The following SPPL2B variants were observed in gnomAD, a reference collection of about 807,000 sequenced individuals.
SPPL2B encodes signal peptide peptidase like 2B.
SPPL2B carries 39 observed loss-of-function variants against 59.7 expected under a neutral mutation model. That is an observed-to-expected ratio of 0.65 (90% CI 0.51 to 0.85). The LOEUF (loss-of-function observed/expected upper bound fraction) is 0.85, where lower values mean the gene tolerates loss of function less well. SPPL2B is among the 40% of genes least tolerant of loss of function. The pLI is 0.00. For missense variants in SPPL2B, 865 were observed against 849.0 expected (o/e 1.02, Z -0.23); for synonymous variants, 419 against 370.8 (o/e 1.13, Z -1.49).
intron 3 of SPPL2B, chr19:2,337,833 G>C (rs1395943990): frequency 5.4e-6 from 3 of 557,606 alleles, no homozygotes; most frequent in East Asian, 6.4e-5. Context: ...TGTTCTTCCT[G>C]AGCTGCTGGC....
chr19:2,340,917 C>T lies in SPPL2B; in HGVS notation c.859C>T (p.Pro287Ser). ...GKCRIPNNSL[P>S]YFHKRPQARM... Reference sequence around the variant, plus strand: ...CCCCAGGATCCCCAACAACAGCCTGCCCTACTTCCACAAGCGCCCGCAGGC... The same window carrying T: ...CCCCAGGATCCCCAACAACAGCCTGTCCTACTTCCACAAGCGCCCGCAGGC... Residue 287 changes from proline to serine, a missense_variant, in exon 8 of 15, where the codon CCC becomes TCC. Physicochemically the swap from Pro to Ser is moderately conservative, Grantham distance 74. Coordinates refer to ENST00000613503, the MANE Select transcript of SPPL2B (RefSeq NM_152988.3). 6.3e-7 allele frequency: 1 copy of T among 1,597,260 alleles called. No individual in the cohort carries two copies. Among genetic ancestry groups the T allele is most frequent in the Non-Finnish European group, 8.5e-7 (1 of 1,176,954 alleles).
chr19:2,353,134 T>G lies in SPPL2B; in HGVS notation c.1704T>G (p.Pro568=), dbSNP rs1392165355. 6.2e-7 allele frequency: 1 copy of G among 1,610,582 alleles called. No homozygotes were observed. Among genetic ancestry groups the G allele is most frequent in the Non-Finnish European group, 8.5e-7 (1 of 1,179,192 alleles). The part of the protein sequence containing the change: ...EMGAGAPMRE[P]GSPAESEGRD... ...GGGCTGGAGCCCCCATGCGGGAGCC[T>G]GGGAGCCCAGCTGAATCCGAGGGCC... Residue 568 remains proline (P), a synonymous_variant, in exon 15 of 15, where the codon CCT becomes CCG. Transcript: ENST00000613503.
chr19:2,340,024 G>A (rs1968928529), intron 6 of SPPL2B, 52 bp from the exon 7 acceptor site: 3 of 1,559,494 alleles, frequency 1.9e-6, no homozygotes, highest in Non-Finnish European at 2.6e-6. Context: ...CCCGTGCGGA[G>A]GGAGGGTGGC....
intron 8 of SPPL2B, chr19:2,342,445 G>A (rs1969112095): frequency 1.3e-5 from 2 of 152,416 alleles, no homozygotes; most frequent in East Asian, 1.9e-4. Flanking sequence ...GAGGTCAGGA[G>A]TTTGAGACCA....
Position 2,338,846 on chromosome 19 carries a change from G to T in SPPL2B, c.459+5G>T, listed in dbSNP as rs756793486. ...GACATGCTGGACATCTTCACGGTAG[G>T]TCTGCGCCGGCTCAGACCCACGCTC... On this transcript the variant is annotated splice_donor_5th_base_variant and intron_variant, in intron 4 of 14. Coordinates refer to ENST00000613503, the MANE Select transcript of SPPL2B (RefSeq NM_152988.3). 1 of 1,612,788 alleles carries T rather than the reference G, an allele frequency of 6.2e-7. No individual in the cohort carries two copies. The highest frequency in any genetic ancestry group is 1.1e-5 in the South Asian group (1 of 91,038).
intron 13 of SPPL2B, among the ~76,000 whole-genome samples, chr19:2,350,185 TTC>T (rs139185415): frequency 2.7e-5 from 3 of 112,014 alleles, no homozygotes; most frequent in African/African-American, 6.8e-5. Flanking sequence ...CTTGATTCCG[TTC>T]TCTCTCCACA....
intron 14 of SPPL2B, 186 bp downstream of exon 14, chr19:2,351,780 G>T: frequency 1.3e-6 from 1 of 798,708 alleles, no homozygotes; most frequent in Non-Finnish European, 1.9e-6. Flanking sequence ...TGCAGCTCCT[G>T]TGCCGGGTGG....
intron 12 of SPPL2B, among the ~76,000 whole-genome samples, chr19:2,344,914 G>C (rs1265107498): frequency 6.6e-6 from 1 of 152,158 alleles, no homozygotes; most frequent in African/African-American, 2.4e-5. Context: ...CCTGCTCGGG[G>C]TTGTGCAGGG....
intron 8 of SPPL2B, chr19:2,342,792 C>T (rs1034203679): frequency 1.5e-4 from 29 of 197,374 alleles, no homozygotes; most frequent in African/African-American, 4.1e-4. Context: ...ACTGAGGGGA[C>T]GCAGCCGGCC....
chr19:2,348,277 T>A (rs1599246931), intron 13 of SPPL2B, among the ~76,000 whole-genome samples: 2 of 108,328 alleles, frequency 1.8e-5, no homozygotes, highest in South Asian at 8.1e-4. Flanking sequence ...CTTATTCGCC[T>A]GATTCCGTTC....
intron 1 of SPPL2B, among the ~76,000 whole-genome samples, chr19:2,330,114 A>ATTTT (rs71176539): frequency 9.5e-5 from 14 of 147,882 alleles, no homozygotes; most frequent in Admixed American, 4.0e-4. Flanking sequence ...AAGCAGATCT[A>ATTTT]TTTTTTTTTT....
At chr19:2,336,226 C>CCT (rs1318707329) in intron 2 of SPPL2B, among the ~76,000 whole-genome samples, 1 of 152,066 alleles carries the variant, frequency 6.6e-6, no homozygotes, top group Admixed American at 6.6e-5. Flanking sequence ...TTTATGTGCA[C>CCT]ATGTGCCTGT....
rs909958911 is a variant in SPPL2B, at chr19:2,332,008, C to G, written c.67-2594C>G. ...GGGGCTGTGTTGGAAGGGGCACCCTCCGGGCTCGGCACCGGGGCCAGACTA... is the reference window on the plus strand; with the variant it reads ...GGGGCTGTGTTGGAAGGGGCACCCTGCGGGCTCGGCACCGGGGCCAGACTA... On this transcript the variant is annotated intron_variant, in intron 1 of 14. Coordinates refer to ENST00000613503, the MANE Select transcript of SPPL2B (RefSeq NM_152988.3). This position sits in a 1 kb window ranked among gnomAD's most constrained non-coding sequence, Gnocchi z 4.6. Among the ~76,000 whole-genome samples the G allele has an allele frequency of 1.3e-5, 2 of 152,370 alleles. No homozygotes were observed. Among genetic ancestry groups the G allele is most frequent in the African/African-American group, 4.8e-5 (2 of 41,594 alleles).
chr19:2,352,317 G>A (rs897341294), intron 14 of SPPL2B, among the ~76,000 whole-genome samples: 1 of 152,174 alleles, frequency 6.6e-6, no homozygotes, highest in African/African-American at 2.4e-5. Flanking sequence ...GCAGCCCTGC[G>A]CCATAGGGCG....
chr19:2,344,445 G>A (rs1219153705), intron 11 of SPPL2B, 21 bp downstream of exon 11: 5 of 1,570,850 alleles, frequency 3.2e-6, no homozygotes, highest in Non-Finnish European at 4.3e-6. Flanking sequence ...TGACTGCAGG[G>A]TCTCAGGTTG....
chr19:2,344,164 A>G (rs1446637862), intron 10 of SPPL2B, 125 bp downstream of exon 10: 2 of 334,128 alleles, frequency 6.0e-6, no homozygotes, highest in African/African-American at 8.9e-5. Flanking sequence ...CCTCCACCCC[A>G]CACCGTGCTC....
chr19:2,343,770 C>T (rs1318815544), intron 9 of SPPL2B, among the ~76,000 whole-genome samples, 195 bp from the exon 10 acceptor site: 7 of 152,188 alleles, frequency 4.6e-5, no homozygotes, highest in African/African-American at 1.7e-4. Context: ...CTCTAAAAGC[C>T]TGACTTTTGC....
At chr19:2,346,762 C>T (rs1969390743) in intron 13 of SPPL2B, among the ~76,000 whole-genome samples, 2 of 152,208 alleles carry the variant, frequency 1.3e-5, no homozygotes, top group South Asian at 4.1e-4. Flanking sequence ...CCTGTAATTC[C>T]TGAGACTGAA....
intron 5 of SPPL2B, among the ~76,000 whole-genome samples, 190 bp downstream of exon 5, chr19:2,339,398 C>T (rs921283272): frequency 2.0e-5 from 3 of 152,188 alleles, no homozygotes; most frequent in Non-Finnish European, 2.9e-5. Flanking sequence ...GGGTGGGCTC[C>T]GGGCACCTGG....
Sources: allele counts gnomAD v4.1 joint callset (sites outside exome capture counted in the v4.1 genomes callset), GRCh38; gene constraint gnomAD v4.1.1; non-coding constraint Gnocchi (gnomAD v3.1); transcripts MANE v1.5; gene names NCBI Gene and HGNC (gene_info 2026-07-23, HGNC 2026-07-21).